Variants in RIC1 observed in about 807,000 individuals in gnomAD.
RIC1 encodes the protein RIC1 partner of RAB6A GEF complex, also known as guanine nucleotide exchange factor subunit RIC1.
RIC1 carries 88 observed loss-of-function variants against 169.0 expected under a neutral mutation model. That is an observed-to-expected ratio of 0.52 (90% confidence interval 0.44 to 0.62). The LOEUF is 0.62. RIC1 is among the 20% of genes least tolerant of loss of function. The pLI is 0.00. For synonymous variants in RIC1, 790 were observed against 601.5 expected, an observed-to-expected ratio of 1.31 and a Z score of -4.59; for missense variants, 1,877 against 1,725.5, an observed-to-expected ratio of 1.09 and a Z score of -1.56.
intron 2 of RIC1, among the ~76,000 whole-genome samples, chr9:5,667,879 C>T (rs571653858): frequency 6.6e-6 from 1 of 152,176 alleles, no homozygotes; most frequent in Admixed American, 6.6e-5. Flanking sequence ...GTTGCTTCCA[C>T]ATTTTTGGGT....
At chr9:5,641,344 G>A (rs946618337) in intron 1 of RIC1, among the ~76,000 whole-genome samples, 2 of 152,058 alleles carry the variant, frequency 1.3e-5, no homozygotes, top group East Asian at 3.9e-4. Flanking sequence ...GCCCGCCTCG[G>A]CCTCCCAAAG....
intron 4 of RIC1, 35 bp from the exon 5 acceptor site, chr9:5,720,147 A>T: frequency 6.4e-7 from 1 of 1,568,318 alleles, no homozygotes; most frequent in South Asian, 1.1e-5. Flanking sequence ...CTTTCCCAGT[A>T]TGCTCTCTTA....
At chr9:5,670,125 GT>G (rs1416977679) in intron 2 of RIC1, among the ~76,000 whole-genome samples, 1 of 152,174 alleles carries the variant, frequency 6.6e-6, no homozygotes, top group Non-Finnish European at 1.5e-5. Context: ...TACTTTGCCT[GT>G]ATGAAGTTTG....
chr9:5,694,184 T>G (rs753486907), intron 3 of RIC1, among the ~76,000 whole-genome samples: 1 of 152,158 alleles, frequency 6.6e-6, no homozygotes, highest in African/African-American at 2.4e-5. Flanking sequence ...CCTTCTAAAA[T>G]CCAGCTTCTT....
chr9:5,720,467 C>A, intron 5 of RIC1, 143 bp downstream of exon 5: 2 of 1,107,450 alleles, frequency 1.8e-6, no homozygotes, highest in Non-Finnish European at 2.6e-6. Context: ...GTGAGAGAGG[C>A]ATTTAATAGG....
Position 5,746,082 on chromosome 9 carries a change from T to C in RIC1, c.1247T>C (p.Met416Thr), listed in dbSNP as rs979285555. 3.2e-5 allele frequency: 51 copies of C among 1,607,410 alleles called. No homozygotes were observed. The highest frequency in any genetic ancestry group is 4.3e-5 in the Non-Finnish European group (50 of 1,175,332). ...IKSVLTVNPC[M>T]SNQEQVLLQG... is the part of the protein sequence containing the mutation. Reference sequence around the variant, plus strand: ...AGTGTACTCACTGTAAACCCTTGTATGGTAAGTATATTTAAAGCTCTGATT... The same window carrying C: ...AGTGTACTCACTGTAAACCCTTGTACGGTAAGTATATTTAAAGCTCTGATT... Residue 416 changes from methionine (M) to threonine (T), a missense_variant and splice_region_variant, in exon 11 of 26, where the codon ATG (methionine) becomes ACG (threonine). Met to Thr is a moderately conservative substitution (Grantham distance 81). Transcript: ENST00000414202.
chr9:5,631,011 A>T (rs951747214), intron 1 of RIC1, among the ~76,000 whole-genome samples: 7 of 152,224 alleles, frequency 4.6e-5, no homozygotes, highest in Admixed American at 4.6e-4. Context: ...CTTACCTTTA[A>T]AAAGGCAGAC....
chr9:5,647,262 G>A (rs1818563711), intron 1 of RIC1, among the ~76,000 whole-genome samples: 1 of 152,084 alleles, frequency 6.6e-6, no homozygotes, highest in East Asian at 1.9e-4. Flanking sequence ...GTCCAACTTT[G>A]TTATTTTCAA....
intron 16 of RIC1, 105 bp downstream of exon 16, chr9:5,756,477 C>T (rs1826024713): frequency 2.7e-6 from 2 of 746,310 alleles, no homozygotes; most frequent in South Asian, 1.0e-4. Context: ...TATATTCAAT[C>T]TTGTTTTTGT....
At chr9:5,668,176 G>A (rs979235276) in intron 2 of RIC1, among the ~76,000 whole-genome samples, 9 of 152,036 alleles carry the variant, frequency 5.9e-5, no homozygotes, top group Non-Finnish European at 1.0e-4. Flanking sequence ...TCATTATCAC[G>A]AGAACACCGT....
intron 2 of RIC1, among the ~76,000 whole-genome samples, chr9:5,667,937 AGTTCTTTCT>A (rs1301279448): frequency 1.3e-5 from 2 of 152,176 alleles, no homozygotes; most frequent in African/African-American, 4.8e-5. Flanking sequence ...TTACTGTATT[AGTTCTTTCT>A]CATGCTGCTA....
chr9:5,769,045 A>G lies in RIC1; in HGVS notation c.3213A>G (p.Leu1071=), dbSNP rs1563724262. 6.2e-7 allele frequency: 1 copy of G among 1,614,098 alleles called. No homozygotes were observed. The highest frequency in any genetic ancestry group is 2.2e-5 in the East Asian group (1 of 44,868). The stretch of plus-strand genomic sequence containing the variant: ...TCTGGAGACATGCTCGGCGCCTCTT[A>G]GAAGATGTGAGGTTAAAGGACCTTG... ...MMLWRHARRL[L]EDVRLKDLGC... Residue 1071 remains leucine, a synonymous_variant, in exon 22 of 26, where the codon TTA becomes TTG. Coordinates refer to ENST00000414202, the MANE Select transcript of RIC1 (RefSeq NM_020829.4).
At chr9:5,631,212 G>T (rs1817699313) in intron 1 of RIC1, among the ~76,000 whole-genome samples, 1 of 152,140 alleles carries the variant, frequency 6.6e-6, no homozygotes, top group Non-Finnish European at 1.5e-5. Flanking sequence ...GGCAGTTCTG[G>T]AATTTAAACT....
chr9:5,718,294 G>C (rs1308408256), intron 4 of RIC1, among the ~76,000 whole-genome samples: 1 of 151,936 alleles, frequency 6.6e-6, no homozygotes, highest in East Asian at 1.9e-4. Context: ...TTTACAGCTA[G>C]TTTTCATTTC....
intron 1 of RIC1, among the ~76,000 whole-genome samples, chr9:5,647,970 G>GGTGGTGGTGGT (rs1344324260): frequency 3.4e-5 from 4 of 117,150 alleles, no homozygotes; most frequent in African/African-American, 1.8e-4. Context: ...TGGTGGTGGT[G>GGTGGTGGTGGT]GTGATGGTGG....
chr9:5,657,017 C>T (rs1051964671), intron 2 of RIC1, among the ~76,000 whole-genome samples: 1 of 151,828 alleles, frequency 6.6e-6, no homozygotes, highest in African/African-American at 2.4e-5. Context: ...ACTATAGCTT[C>T]TGTTTTGACT....
At chr9:5,701,157 G>C (rs1822193673) in intron 3 of RIC1, among the ~76,000 whole-genome samples, 1 of 152,076 alleles carries the variant, frequency 6.6e-6, no homozygotes, top group Non-Finnish European at 1.5e-5. Flanking sequence ...TGGTATAGCT[G>C]GCTCTTCTGT....
At chr9:5,673,557 T>TATAA (rs1554663254) in intron 2 of RIC1, among the ~76,000 whole-genome samples, 16 of 142,650 alleles carry the variant, frequency 1.1e-4, no homozygotes, top group African/African-American at 3.5e-4. Context: ...TATATATATA[T>TATAA]AAATAAATGT....
In RIC1 at chr9:5,774,434, C is replaced by A; in HGVS notation, c.*188C>A. 1 of 481,612 alleles carries A rather than the reference C, an allele frequency of 2.1e-6. No homozygotes were observed. Among genetic ancestry groups the A allele is most frequent in the Non-Finnish European group, 3.5e-6 (1 of 284,660 alleles). 29.8% of individuals were successfully genotyped at this position (481,612 alleles called of 1,614,324 possible). On this transcript the variant is annotated 3_prime_UTR_variant, in exon 26 of 26. Coordinates refer to ENST00000414202, the MANE Select transcript of RIC1 (RefSeq NM_020829.4). ...GACTCCATAAAAATGTGATATAAAG[C>A]ATCTTTCATAAAAAAATTTTAAGCT...
Sources: gnomAD v4.1 joint callset for allele counts (sites outside exome capture counted in the v4.1 genomes callset) on GRCh38, gnomAD v4.1.1 for gene constraint, MANE v1.5 for transcripts, NCBI Gene and HGNC (gene_info 2026-07-23, HGNC 2026-07-21) for gene names.